The following WDSUB1 variants were observed in gnomAD, a reference collection of about 807,000 sequenced individuals.
WDSUB1 encodes WD repeat, sterile alpha motif and U-box domain containing 1.
WDSUB1 carries 49 observed loss-of-function variants against 53.9 expected under a neutral mutation model. The observed-to-expected ratio is 0.91, with a 90% CI of 0.72 to 1.15. WDSUB1 has a LOEUF of 1.15. Among genes scored for constraint, WDSUB1 ranks in the 50% most tolerant of loss-of-function variants. The pLI, the probability that WDSUB1 is intolerant of heterozygous loss-of-function variation, is 0.00. For missense variants in WDSUB1, 514 were observed against 562.0 expected, an observed-to-expected ratio of 0.91 and a Z score of 0.86; for synonymous variants, 194 against 200.6, an observed-to-expected ratio of 0.97 and a Z score of 0.28.
At chr2:159,268,719 G>A (rs986642435) in intron 5 of WDSUB1, among the ~76,000 whole-genome samples, 15 of 152,172 alleles carry the variant, frequency 9.9e-5, no homozygotes, top group Admixed American at 3.3e-4. Context: ...AAAAGGAAAA[G>A]AGTATAAAGT....
chr2:159,247,943 A>G (rs950194652), intron 10 of WDSUB1, among the ~76,000 whole-genome samples: 5 of 86,770 alleles, frequency 5.8e-5, no homozygotes, highest in Non-Finnish European at 9.2e-5. Context: ...ATATATATAT[A>G]AAATTTGGAT....
chr2:159,238,546 T>A (rs1329271114), intron 10 of WDSUB1, among the ~76,000 whole-genome samples: 1 of 152,248 alleles, frequency 6.6e-6, no homozygotes, highest in Non-Finnish European at 1.5e-5. Context: ...CAGGGTGGTC[T>A]TATTGTCAAA....
intron 4 of WDSUB1, among the ~76,000 whole-genome samples, chr2:159,274,698 A>C (rs540652106): frequency 6.0e-4 from 91 of 152,300 alleles, no homozygotes; most frequent in African/African-American, 2.0e-3. Flanking sequence ...CTCATCCTAG[A>C]GGGAAGCCAG....
intron 5 of WDSUB1, among the ~76,000 whole-genome samples, chr2:159,261,890 ATATATATTTTTTTTTTTTTT>A (rs2061228887): frequency 2.9e-4 from 4 of 13,640 alleles, no homozygotes; most frequent in Non-Finnish European, 4.4e-4. Context: ...ATATATATAT[ATATATATTTTTTTTTTTTTT>A]TTTTTTTTTT....
At chr2:159,251,366 C>G (rs903200074) in intron 9 of WDSUB1, among the ~76,000 whole-genome samples, 2 of 152,220 alleles carry the variant, frequency 1.3e-5, no homozygotes, top group East Asian at 3.9e-4. Flanking sequence ...CTAATACTTA[C>G]AATGCTTCTA....
chr2:159,241,493 T>C (rs778064734), intron 10 of WDSUB1, among the ~76,000 whole-genome samples: 1 of 148,380 alleles, frequency 6.7e-6, no homozygotes, highest in Non-Finnish European at 1.5e-5. Context: ...ACCCAGGAGG[T>C]AGAGGTCTCA....
At chr2:159,279,998 A>G in intron 2 of WDSUB1, 53 bp from the exon 3 acceptor site, 2 of 1,498,128 alleles carry the variant, frequency 1.3e-6, no homozygotes, top group Non-Finnish European at 1.8e-6. Flanking sequence ...TTTACTTTAT[A>G]CCACAGTCTC....
At chr2:159,275,696 A>C in intron 3 of WDSUB1, 58 bp from the exon 4 acceptor site, 6 of 1,368,094 alleles carry the variant, frequency 4.4e-6, no homozygotes, top group Non-Finnish European at 6.0e-6. Context: ...CCCCCCCAAA[A>C]TTCCCATTTC....
chr2:159,245,495 T>A lies in WDSUB1; in HGVS notation c.1273+2877A>T, dbSNP rs1212994508. Reference sequence around the variant, plus strand: ...TTGCAGTAAGCCGAGATGGAGCCACTGCACTCCAGCGTGGGCAACAGAGCA... The same window carrying A: ...TTGCAGTAAGCCGAGATGGAGCCACAGCACTCCAGCGTGGGCAACAGAGCA... On this transcript the variant is annotated intron_variant, in intron 10 of 10. Transcript: ENST00000359774. Among the ~76,000 whole-genome samples, 7 of 149,738 alleles carry A rather than the reference T, an allele frequency of 4.7e-5. No homozygotes were observed. The South Asian group carries it at 1.3e-3, about 27-fold the overall frequency.
At chr2:159,280,807 C>T (rs1016261431) in intron 2 of WDSUB1, among the ~76,000 whole-genome samples, 17 of 151,420 alleles carry the variant, frequency 1.1e-4, no homozygotes, top group Non-Finnish European at 2.1e-4. Flanking sequence ...CAGGGAGGCA[C>T]GGTGCTGAAG....
intron 4 of WDSUB1, among the ~76,000 whole-genome samples, chr2:159,275,028 G>T (rs1383871070): frequency 6.6e-6 from 1 of 152,082 alleles, no homozygotes; most frequent in African/African-American, 2.4e-5. Context: ...AGAGAAATGT[G>T]GGGGATAAAA....
chr2:159,237,091 T>A (rs1368063263), intron 10 of WDSUB1, among the ~76,000 whole-genome samples: 2 of 152,350 alleles, frequency 1.3e-5, no homozygotes, highest in Middle Eastern at 3.4e-3. Flanking sequence ...TATCACTGTT[T>A]CAAAATAATG....
rs567066472 is a variant in WDSUB1 at position 159,276,845 on chromosome 2, A to T, written c.584-1207T>A. On this transcript the variant is annotated intron_variant, in intron 3 of 10. Transcript: ENST00000359774. ...TGGTAAGACCCTGTCTCTACAAAAA[A>T]TTTTTTTAAATTAGCCGGGTGTGGT... Among the ~76,000 whole-genome samples, 8 of 152,248 alleles carry T rather than the reference A, an allele frequency of 5.3e-5. No homozygotes were observed. In the East Asian group the frequency reaches 9.7e-4, roughly 18 times the overall value.
intron 1 of WDSUB1, among the ~76,000 whole-genome samples, chr2:159,283,766 C>T (rs2061728557): frequency 6.6e-6 from 1 of 152,158 alleles, no homozygotes; most frequent in Non-Finnish European, 1.5e-5. Context: ...CCTAACAGGC[C>T]ATGATGGGTA....
At chr2:159,262,827 A>T (rs1263271115) in intron 5 of WDSUB1, among the ~76,000 whole-genome samples, 1 of 152,210 alleles carries the variant, frequency 6.6e-6, no homozygotes, top group Non-Finnish European at 1.5e-5. Context: ...CCTAAATTGA[A>T]GCCAAATCAA....
At chr2:159,279,524 A>G (rs2061607579) in intron 3 of WDSUB1, among the ~76,000 whole-genome samples, 1 of 152,136 alleles carries the variant, frequency 6.6e-6, no homozygotes. Flanking sequence ...TAAAGAATGT[A>G]ATTTTCTTGC....
In WDSUB1 at chr2:159,235,934, C is replaced by A; in HGVS notation, c.*99G>T. On this transcript the variant is annotated 3_prime_UTR_variant, in exon 11 of 11. Coordinates refer to ENST00000359774, the MANE Select transcript of WDSUB1 (RefSeq NM_001128212.3). ...AGGTAACTAAATTTAAGAAGTTTAC[C>A]TTTTTCCTGTTTTGCTTTTAATAAT... is the stretch of plus-strand genomic sequence containing the variant. 2.6e-6 allele frequency: 3 copies of A among 1,169,064 alleles called. No homozygotes were observed. Among genetic ancestry groups the A allele is most frequent in the South Asian group, 3.0e-5 (1 of 32,862 alleles). The allele number at this position is 1,169,064 out of a possible 1,614,324, so 72.4% of individuals were successfully genotyped here.
intron 5 of WDSUB1, among the ~76,000 whole-genome samples, chr2:159,267,267 A>G (rs988954217): frequency 3.3e-5 from 5 of 151,046 alleles, no homozygotes; most frequent in Admixed American, 6.6e-5. Flanking sequence ...TATCTATGCC[A>G]TACACACCTT....
intron 10 of WDSUB1, 67 bp from the exon 11 acceptor site, chr2:159,236,257 T>A: frequency 6.7e-7 from 1 of 1,494,984 alleles, no homozygotes; most frequent in South Asian, 1.3e-5. Flanking sequence ...TAAAATGAAG[T>A]GAATGTAAAA....
Sources: gnomAD v4.1 joint callset for allele counts (sites outside exome capture counted in the v4.1 genomes callset) on GRCh38, gnomAD v4.1.1 for gene constraint, MANE v1.5 for transcripts, NCBI Gene and HGNC (gene_info 2026-07-23, HGNC 2026-07-21) for gene names.